Variants in BMPER observed in about 807,000 individuals in gnomAD.
The protein encoded by BMPER is BMP binding endothelial regulator.
A neutral mutation model predicts 87.3 loss-of-function variants in BMPER; 45 were observed. That is an observed-to-expected ratio of 0.52 (90% CI 0.41 to 0.66). The LOEUF (loss-of-function observed/expected upper bound fraction) is 0.66. BMPER is among the 30% of genes least tolerant of loss of function. BMPER has a pLI of 0.00. For missense variants in BMPER, 784 were observed against 867.5 expected (o/e 0.90, Z 1.21); for synonymous variants, 326 against 316.2 (o/e 1.03, Z -0.33).
Position 33,966,507 on chromosome 7 carries a change from C to T in BMPER, c.348C>T (p.Asn116=), listed in dbSNP as rs753098083. 4 of 1,613,790 alleles carry T rather than the reference C, an allele frequency of 2.5e-6. No homozygotes were observed. Among genetic ancestry groups the T allele is most frequent in the Non-Finnish European group, 3.4e-6 (4 of 1,179,738 alleles). Residue 116 remains asparagine (N), a synonymous_variant, in exon 4 of 15, where the codon AAC becomes AAT. Coordinates refer to ENST00000649409, the MANE Select transcript of BMPER (RefSeq NM_001365308.1). ...KGCTYEGNTY[N]SSFKWQSPAE... Reference sequence around the variant, plus strand: ...GCACCTATGAAGGAAATACCTATAACAGCTCCTTCAAATGGCAGAGCCCGG... The same window carrying T: ...GCACCTATGAAGGAAATACCTATAATAGCTCCTTCAAATGGCAGAGCCCGG...
chr7:33,988,615 A>T (rs996461997), intron 6 of BMPER, among the ~76,000 whole-genome samples: 1 of 151,826 alleles, frequency 6.6e-6, no homozygotes, highest in African/African-American at 2.4e-5. Flanking sequence ...ATTTTTTTTT[A>T]ATTATTTTTT....
chr7:34,049,788 T>G (rs1010530494), intron 7 of BMPER, among the ~76,000 whole-genome samples: 2 of 152,194 alleles, frequency 1.3e-5, no homozygotes, highest in African/African-American at 4.8e-5. Flanking sequence ...GAAGCAGAGA[T>G]ATTTTAGATT....
At chr7:33,942,223 A>T (rs1435529717) in intron 3 of BMPER, among the ~76,000 whole-genome samples, 2 of 152,226 alleles carry the variant, frequency 1.3e-5, no homozygotes, top group African/African-American at 4.8e-5. Flanking sequence ...CGGATCACAG[A>T]AGCAGCAGTT....
chr7:34,088,305 C>T (rs73316416), intron 13 of BMPER, among the ~76,000 whole-genome samples: 1,660 of 152,282 alleles, frequency 0.011, 29 homozygotes, highest in African/African-American at 0.037. Flanking sequence ...GCCTGCCCTG[C>T]CCTCTGCTGG....
intron 6 of BMPER, among the ~76,000 whole-genome samples, chr7:34,018,575 G>A (rs1787099522): frequency 1.3e-5 from 2 of 151,950 alleles, no homozygotes; most frequent in Admixed American, 1.3e-4. Context: ...CGAGTCGGCT[G>A]TGTCCCATTT....
intron 13 of BMPER, among the ~76,000 whole-genome samples, chr7:34,098,944 A>AT (rs1246700812): frequency 6.6e-6 from 1 of 152,222 alleles, no homozygotes; most frequent in Non-Finnish European, 1.5e-5. Flanking sequence ...TAATGAGCCC[A>AT]TTGCCTTTGA....
chr7:33,959,504 T>C (rs1785219985), intron 3 of BMPER, among the ~76,000 whole-genome samples: 1 of 152,130 alleles, frequency 6.6e-6, no homozygotes, highest in South Asian at 2.1e-4. Flanking sequence ...AGCTGACTGC[T>C]TGACAGTGGG....
chr7:33,975,306 G>A (rs1358737663), intron 6 of BMPER, among the ~76,000 whole-genome samples: 1 of 152,166 alleles, frequency 6.6e-6, no homozygotes, highest in Non-Finnish European at 1.5e-5. Context: ...GCTTGCTTCT[G>A]TGCGTCCTGA....
chr7:34,049,446 A>G (rs1430964601), intron 7 of BMPER, among the ~76,000 whole-genome samples: 4 of 152,070 alleles, frequency 2.6e-5, no homozygotes, highest in Admixed American at 6.6e-5. Flanking sequence ...TGATCAATAG[A>G]CCCATCCAGC....
intron 6 of BMPER, among the ~76,000 whole-genome samples, chr7:34,033,323 C>A (rs1434677325): frequency 2.0e-5 from 3 of 152,088 alleles, no homozygotes; most frequent in Admixed American, 6.5e-5. Flanking sequence ...TTCAGCCACT[C>A]GGAGCTAGCA....
intron 6 of BMPER, among the ~76,000 whole-genome samples, chr7:33,978,230 G>A (rs1785742655): frequency 6.6e-6 from 1 of 152,206 alleles, no homozygotes; most frequent in Admixed American, 6.5e-5. Flanking sequence ...TTCGGAGGTT[G>A]CAGCAACAAG....
Position 34,115,762 on chromosome 7 carries a change from A to G in BMPER, c.1746-27468A>G, listed in dbSNP as rs373785782. 3.3e-5 allele frequency among the ~76,000 whole-genome samples: 5 copies of G among 152,308 alleles called. No individual in the cohort carries two copies. In the East Asian group the frequency reaches 5.8e-4, roughly 18 times the overall value. On this transcript the variant is annotated intron_variant, in intron 13 of 14. Transcript: ENST00000649409. ...TTTGATGGACATTTGAATTGTATCT[A>G]TTAATACCTTTAGACTGTTGTGAAG...
chr7:34,112,496 G>A (rs10233219), intron 13 of BMPER, among the ~76,000 whole-genome samples: 7,532 of 18,694 alleles, frequency 0.4, 1,781 homozygotes, highest in East Asian at 0.79. Context: ...CTCCGTCTCA[G>A]AAAAAAAAAA....
chr7:33,914,747 A>G (rs551223363), intron 2 of BMPER, among the ~76,000 whole-genome samples: 3 of 152,324 alleles, frequency 2.0e-5, no homozygotes, highest in Admixed American at 2.0e-4. Context: ...GAAGGGTTGT[A>G]TCTAAGAGAA....
intron 6 of BMPER, among the ~76,000 whole-genome samples, chr7:33,982,134 T>C (rs942248022): frequency 1.1e-4 from 16 of 152,374 alleles, no homozygotes; most frequent in East Asian, 5.8e-4. Flanking sequence ...TCATCATTTC[T>C]GTGGTCACGT....
chr7:34,031,829 A>AGG (rs1787523256), intron 6 of BMPER, among the ~76,000 whole-genome samples: 1 of 146,146 alleles, frequency 6.8e-6, no homozygotes, highest in Non-Finnish European at 1.5e-5. Flanking sequence ...AAACTCCCCA[A>AGG]GGTAACTCAT....
chr7:33,938,994 C>T (rs909415002), intron 3 of BMPER, among the ~76,000 whole-genome samples: 8 of 152,054 alleles, frequency 5.3e-5, no homozygotes, highest in Non-Finnish European at 1.2e-4. Flanking sequence ...CACTGCACTC[C>T]AGCCTGGGTG....
intron 6 of BMPER, among the ~76,000 whole-genome samples, chr7:34,023,952 GA>G (rs147194640): frequency 6.6e-6 from 1 of 150,800 alleles, no homozygotes; most frequent in African/African-American, 2.4e-5. Context: ...TGCCAAAGTT[GA>G]AAAAAAACAG....
At chr7:33,932,557 A>C (rs1385471235) in intron 2 of BMPER, among the ~76,000 whole-genome samples, 1 of 152,200 alleles carries the variant, frequency 6.6e-6, no homozygotes, top group Non-Finnish European at 1.5e-5. Flanking sequence ...ATGGCTAACC[A>C]AATGGACGAT....
Sources: gnomAD v4.1 joint callset for allele counts (sites outside exome capture counted in the v4.1 genomes callset) on GRCh38, gnomAD v4.1.1 for gene constraint, MANE v1.5 for transcripts, NCBI Gene and HGNC (gene_info 2026-07-23, HGNC 2026-07-21) for gene names.